The following SEZ6L variants were observed in gnomAD, a reference collection of about 807,000 sequenced individuals.
SEZ6L encodes the protein seizure 6-like protein.
In SEZ6L, 37 loss-of-function variants were observed where a neutral mutation model predicts 106.2. The observed-to-expected ratio is 0.35, with a 90% CI of 0.27 to 0.46. The LOEUF (loss-of-function observed/expected upper bound fraction) is 0.46. Among genes scored for constraint, SEZ6L ranks in the 20% least tolerant of loss-of-function variants. The pLI is 1.00. For missense variants in SEZ6L, 1,172 were observed against 1,332.8 expected (o/e 0.88, Z 1.88); for synonymous variants, 541 against 570.4 (o/e 0.95, Z 0.73).
chr22:26,219,254 G>GTGTTTTTTT (rs1556124260), intron 1 of SEZ6L, among the ~76,000 whole-genome samples: 5 of 135,088 alleles, frequency 3.7e-5, no homozygotes, highest in Non-Finnish European at 6.3e-5. Flanking sequence ...AGAAATACAA[G>GTGTTTTTTT]TTTTTTTTTT....
At chr22:26,310,029 A>C (rs620823) in intron 6 of SEZ6L, among the ~76,000 whole-genome samples, 38,987 of 151,996 alleles carry the variant, frequency 0.26, 5,431 homozygotes, top group African/African-American at 0.33. Flanking sequence ...GCCACCATTT[A>C]GGCAATGAGA....
At chr22:26,241,736 C>T (rs1003920862) in intron 1 of SEZ6L, among the ~76,000 whole-genome samples, 2 of 150,926 alleles carry the variant, frequency 1.3e-5, no homozygotes, top group Non-Finnish European at 2.9e-5. Flanking sequence ...TCTAAAATTC[C>T]CTTAAATATA....
At chr22:26,350,719 C>T (rs1405896558) in intron 11 of SEZ6L, among the ~76,000 whole-genome samples, 2 of 144,850 alleles carry the variant, frequency 1.4e-5, no homozygotes, top group African/African-American at 2.6e-5. Flanking sequence ...TGCAGTGGTG[C>T]GATCTCGGCT....
rs1280023220 is a variant in SEZ6L, at chr22:26,338,874, T to TTTTTTC, written c.2016-1557_2016-1556insCTTTTT. On this transcript the variant is annotated intron_variant, in intron 9 of 16. Coordinates refer to ENST00000248933, the MANE Select transcript of SEZ6L (RefSeq NM_021115.5). ...CCCGGACTTTTTTTTTTTCTTTTTT[T>TTTTTTC]TTTTTTTTTTGTAGAGACAGGGTCT... 5.0e-3 allele frequency among the ~76,000 whole-genome samples: 635 copies of TTTTTTC among 127,470 alleles called. 13 individuals are homozygous for TTTTTTC. Among genetic ancestry groups the TTTTTTC allele is most frequent in the African/African-American group, 0.018 (615 of 35,132 alleles). 83.6% of individuals were successfully genotyped at this position (127,470 alleles called of 152,430 possible).
chr22:26,260,747 A>G (rs2079974903), intron 1 of SEZ6L, among the ~76,000 whole-genome samples: 1 of 152,198 alleles, frequency 6.6e-6, no homozygotes, highest in African/African-American at 2.4e-5. Flanking sequence ...GTAGATACCT[A>G]GTAGTGGGAT....
intron 1 of SEZ6L, among the ~76,000 whole-genome samples, chr22:26,266,164 T>C (rs975118686): frequency 1.3e-5 from 2 of 152,164 alleles, no homozygotes; most frequent in African/African-American, 4.8e-5. Flanking sequence ...GAGGCTGTGC[T>C]GCACTCGATT....
intron 1 of SEZ6L, among the ~76,000 whole-genome samples, chr22:26,173,455 G>C (rs1218469717): frequency 6.6e-6 from 1 of 152,176 alleles, no homozygotes; most frequent in African/African-American, 2.4e-5. Flanking sequence ...CTCTCATGCT[G>C]TTTCTTTTTG....
chr22:26,292,210 AGAAAAG>A, intron 1 of SEZ6L, 190 bp from the exon 2 acceptor site: 1 of 519,286 alleles, frequency 1.9e-6, no homozygotes, highest in Non-Finnish European at 3.4e-6. Flanking sequence ...AAAAGAAGGA[AGAAAAG>A]AGAAAGAGGG....
chr22:26,274,220 C>T (rs1417799246), intron 1 of SEZ6L, among the ~76,000 whole-genome samples: 1 of 152,016 alleles, frequency 6.6e-6, no homozygotes, highest in Non-Finnish European at 1.5e-5. Flanking sequence ...TATCTACCTC[C>T]CAGAGATGTT....
chr22:26,184,712 A>G (rs539293586), intron 1 of SEZ6L, among the ~76,000 whole-genome samples: 87 of 152,346 alleles, frequency 5.7e-4, no homozygotes, highest in African/African-American at 2.0e-3. Context: ...CATGCGGATC[A>G]TTCAATGTTT....
intron 1 of SEZ6L, among the ~76,000 whole-genome samples, chr22:26,178,882 C>T (rs878906432): frequency 6.6e-6 from 1 of 152,136 alleles, no homozygotes; most frequent in African/African-American, 2.4e-5. Context: ...AGCTGATTCT[C>T]AGGTCAGCGA....
chr22:26,242,323 C>G (rs1432972735), intron 1 of SEZ6L, among the ~76,000 whole-genome samples: 2 of 152,254 alleles, frequency 1.3e-5, no homozygotes, highest in Non-Finnish European at 2.9e-5. Context: ...CAGGCTCATT[C>G]TGTATGAGGC....
At chr22:26,248,353 G>T (rs2079438189) in intron 1 of SEZ6L, among the ~76,000 whole-genome samples, 1 of 152,034 alleles carries the variant, frequency 6.6e-6, no homozygotes. Flanking sequence ...ACTACTATTG[G>T]TATCTTTTTT....
chr22:26,348,551 A>G lies in SEZ6L; in HGVS notation c.2407+638A>G, dbSNP rs148989242. Among the ~76,000 whole-genome samples, 549 of 86,244 alleles carry G rather than the reference A, an allele frequency of 6.4e-3. 18 individuals carry two copies. The highest frequency in any genetic ancestry group is 0.038 in the East Asian group (87 of 2,278). 56.6% of individuals were successfully genotyped at this position (86,244 alleles called of 152,430 possible). ...GAAGGAAGGAAGGAAGGAAGGAAGG[A>G]AGGAAGGAAGGGAGGAAAGAAAGAA... On this transcript the variant is annotated intron_variant, in intron 11 of 16. Transcript: ENST00000248933.
At chr22:26,319,180 C>CT (rs1289894705) in intron 9 of SEZ6L, among the ~76,000 whole-genome samples, 2 of 152,202 alleles carry the variant, frequency 1.3e-5, no homozygotes, top group African/African-American at 4.8e-5. Flanking sequence ...TCCATTGCTT[C>CT]TACTCAAAAG....
intron 1 of SEZ6L, among the ~76,000 whole-genome samples, chr22:26,263,393 C>A (rs2080080211): frequency 6.6e-6 from 1 of 152,230 alleles, no homozygotes; most frequent in Non-Finnish European, 1.5e-5. Flanking sequence ...TCTGCTCATC[C>A]ATGTCTCAAT....
chr22:26,370,235 T>A (rs638954), intron 13 of SEZ6L, among the ~76,000 whole-genome samples: 31,748 of 151,410 alleles, frequency 0.21, 3,892 homozygotes, highest in African/African-American at 0.33. Context: ...ACAAAAAAAA[T>A]TTAGCCGGGT....
intron 1 of SEZ6L, among the ~76,000 whole-genome samples, chr22:26,176,743 G>C (rs1345654821): frequency 1.3e-5 from 2 of 152,162 alleles, no homozygotes; most frequent in Non-Finnish European, 2.9e-5. Flanking sequence ...CTCATTGCAA[G>C]CACTCAATAA....
At chr22:26,189,827 G>A (rs948840736) in intron 1 of SEZ6L, among the ~76,000 whole-genome samples, 20 of 152,142 alleles carry the variant, frequency 1.3e-4, no homozygotes, top group Non-Finnish European at 2.9e-5. Context: ...ACCAGGTGCG[G>A]TGGCTCACGC....
Sources: allele counts gnomAD v4.1 joint callset (sites outside exome capture counted in the v4.1 genomes callset), GRCh38; gene constraint gnomAD v4.1.1; transcripts MANE v1.5; gene names NCBI Gene and HGNC (gene_info 2026-07-23, HGNC 2026-07-21).